Variants in TRIOBP observed in about 807,000 individuals in gnomAD.
TRIOBP encodes the protein TRIO and F-actin-binding protein.
In TRIOBP, 169 loss-of-function variants were observed where a neutral mutation model predicts 238.8. That is an observed-to-expected ratio of 0.71 (90% CI 0.62 to 0.80). The LOEUF (loss-of-function observed/expected upper bound fraction) is 0.80, where lower values mean the gene tolerates loss of function less well. Among genes scored for constraint, TRIOBP ranks in the 30% least tolerant of loss-of-function variants. The pLI is 0.00. For missense variants in TRIOBP, 2,838 were observed against 3,122.6 expected (o/e 0.91, Z 2.17); for synonymous variants, 1,150 against 1,274.4 (o/e 0.90, Z 2.08).
intron 21 of TRIOBP, among the ~76,000 whole-genome samples, chr22:37,770,691 CTT>C (rs953236484): frequency 4.9e-5 from 7 of 142,504 alleles, no homozygotes; most frequent in African/African-American, 5.2e-5. Flanking sequence ...TTTTATTTCT[CTT>C]TTTTTTTTTG....
At chr22:37,759,749 C>G in intron 17 of TRIOBP, 1 of 1,426,278 alleles carries the variant, frequency 7.0e-7, no homozygotes, top group Non-Finnish European at 9.2e-7. Context: ...CCGCCTAGGA[C>G]AGCGGTTCTC....
rs200411253 is a variant in TRIOBP at position 37,769,329 on chromosome 22, G to A, written c.6803G>A (p.Gly2268Asp). ...GGCTTCATTGCCTCGCAGGGCATGG[G>A]CAATGGCTGCGGGCGCAGCAACGAG... ...LRGFIASQGM[G>D]NGCGRSNERS... Residue 2268 changes from glycine to aspartate, a missense_variant, in exon 21 of 24, where the codon GGC becomes GAC. Physicochemically the swap from Gly to Asp is moderately conservative, Grantham distance 94. Transcript: ENST00000644935. 225 of 1,611,320 alleles carry A rather than the reference G, an allele frequency of 1.4e-4. No individual in the cohort carries two copies. Among genetic ancestry groups the A allele is most frequent in the Non-Finnish European group, 9.9e-5 (117 of 1,179,402 alleles).
At chr22:37,773,067 G>A (rs1926863302) in intron 23 of TRIOBP, among the ~76,000 whole-genome samples, 1 of 152,146 alleles carries the variant, frequency 6.6e-6, no homozygotes, top group South Asian at 2.1e-4. Flanking sequence ...GCACATCCCT[G>A]ACCCCCACAG....
chr22:37,746,430 C>G (rs745751132), intron 11 of TRIOBP: 2 of 1,423,752 alleles, frequency 1.4e-6, no homozygotes, highest in South Asian at 1.3e-5. Flanking sequence ...GGTGAGTGCC[C>G]CAGTCAGCCG....
At chr22:37,758,520 A>G (rs1252691590) in intron 16 of TRIOBP, among the ~76,000 whole-genome samples, 1 of 152,062 alleles carries the variant, frequency 6.6e-6, no homozygotes, top group Non-Finnish European at 1.5e-5. Context: ...ACAAAAAAAT[A>G]CAAAATTTAG....
intron 19 of TRIOBP, 53 bp from the exon 20 acceptor site, chr22:37,768,975 G>A: frequency 6.2e-7 from 1 of 1,611,792 alleles, no homozygotes; most frequent in Non-Finnish European, 8.5e-7. Flanking sequence ...TGGACTCCAG[G>A]CTTGGCAGGA....
At chr22:37,727,765 C>T (rs1924243554) in intron 7 of TRIOBP, among the ~76,000 whole-genome samples, 1 of 152,182 alleles carries the variant, frequency 6.6e-6, no homozygotes, top group African/African-American at 2.4e-5. Context: ...CATCCTGGGA[C>T]ACCTGAAGTC....
intron 11 of TRIOBP, chr22:37,746,072 G>A: frequency 2.2e-6 from 1 of 460,672 alleles, no homozygotes; most frequent in Non-Finnish European, 2.7e-6. Context: ...CCGCCGCCCC[G>A]CCGCCCTAGC....
intron 6 of TRIOBP, among the ~76,000 whole-genome samples, chr22:37,716,431 TTAC>T (rs948209230): frequency 6.6e-6 from 1 of 151,846 alleles, no homozygotes; most frequent in Admixed American, 6.6e-5. Flanking sequence ...ATTATTATTA[TTAC>T]TATTATTATT....
intron 7 of TRIOBP, among the ~76,000 whole-genome samples, chr22:37,729,932 A>G (rs1318169380): frequency 2.6e-5 from 4 of 152,018 alleles, no homozygotes; most frequent in Admixed American, 1.3e-4. Flanking sequence ...ATTTTCTCCT[A>G]TTTCCTCATC....
Position 37,776,154 on chromosome 22 carries a change from C to G in TRIOBP, c.*2374C>G, listed in dbSNP as rs1927021593. The G allele has an allele frequency of 6.6e-6, 1 of 152,332 alleles. No homozygotes were observed. Among genetic ancestry groups the G allele is most frequent in the Admixed American group, 6.5e-5 (1 of 15,292 alleles). 9.4% of individuals were successfully genotyped at this position (152,332 alleles called of 1,614,324 possible). On this transcript the variant is annotated 3_prime_UTR_variant, in exon 24 of 24. Coordinates refer to ENST00000644935, the MANE Select transcript of TRIOBP (RefSeq NM_001039141.3). ...TCCTCTTCACCAACCCCCCTCCCAT[C>G]CCTCCTCAGGGCTGCCTAGGGCAGC...
At position 37,710,331 on chromosome 22, in the gene TRIOBP, G is replaced by C; in HGVS notation, c.115-96G>C. The C allele has an allele frequency of 4.5e-6, 7 of 1,558,254 alleles. No homozygotes were observed. The South Asian group carries it at 6.8e-5, about 15-fold the overall frequency. ...GAAGTGCAGGATCCCCCGAGGAGAT[G>C]CCTGGAGACTCCCACGCCACCGGGA... On this transcript the variant is annotated intron_variant, in intron 3 of 23. Coordinates refer to ENST00000644935, the MANE Select transcript of TRIOBP (RefSeq NM_001039141.3).
chr22:37,716,687 G>A (rs1923537535), intron 6 of TRIOBP, among the ~76,000 whole-genome samples: 1 of 152,244 alleles, frequency 6.6e-6, no homozygotes, highest in Non-Finnish European at 1.5e-5. Flanking sequence ...GAGCCACTAT[G>A]CCTGGCCTTA....
At position 37,699,507 on chromosome 22, in the gene TRIOBP, A is replaced by G. The variant is rs372620517; in HGVS notation, c.-60-1799A>G. ...TACAATGCAGCTATAAGACAAGGACACTCAAACTTTGGGGCGCACTAGAAT... is the reference window on the plus strand; with the variant it reads ...TACAATGCAGCTATAAGACAAGGACGCTCAAACTTTGGGGCGCACTAGAAT... On this transcript the variant is annotated intron_variant, in intron 2 of 23. Transcript: ENST00000644935. Among the ~76,000 whole-genome samples, 23 of 151,866 alleles carry G rather than the reference A, an allele frequency of 1.5e-4. No individual in the cohort carries two copies. In the East Asian group the frequency reaches 4.2e-3, roughly 28 times the overall value.
intron 18 of TRIOBP, among the ~76,000 whole-genome samples, chr22:37,766,150 A>G (rs1251249462): frequency 6.6e-6 from 1 of 152,142 alleles, no homozygotes; most frequent in African/African-American, 2.4e-5. Context: ...GATCAGCTGC[A>G]TCCCCTGTCC....
chr22:37,743,827 GT>G (rs1426120720), intron 11 of TRIOBP, among the ~76,000 whole-genome samples: 1 of 127,562 alleles, frequency 7.8e-6, no homozygotes, highest in African/African-American at 3.3e-5. Context: ...GTGTGTGTGT[GT>G]GTGTGTGTGT....
At chr22:37,698,043 C>CA (rs1415385675) in intron 2 of TRIOBP, among the ~76,000 whole-genome samples, 4 of 151,256 alleles carry the variant, frequency 2.6e-5, no homozygotes, top group African/African-American at 9.7e-5. Context: ...ACCAAAAATA[C>CA]AAAAAAATTA....
chr22:37,750,555 G>C (rs140898397), intron 11 of TRIOBP: 1 of 443,940 alleles, frequency 2.3e-6, no homozygotes, highest in Non-Finnish European at 4.8e-6. Flanking sequence ...GGTGGAAGAC[G>C]GGGTGGGCAG....
chr22:37,743,785 GAGAA>G (rs1385997715), intron 11 of TRIOBP, among the ~76,000 whole-genome samples: 1 of 146,568 alleles, frequency 6.8e-6, no homozygotes, highest in East Asian at 2.0e-4. Flanking sequence ...GGGGGAAGGG[GAGAA>G]AGAGAGAGAG....
Sources: gnomAD v4.1 joint callset for allele counts (sites outside exome capture counted in the v4.1 genomes callset) on GRCh38, gnomAD v4.1.1 for gene constraint, MANE v1.5 for transcripts, NCBI Gene and HGNC (gene_info 2026-07-23, HGNC 2026-07-21) for gene names.